LINGO2: variants seen among roughly 807,000 people sequenced by gnomAD.
LINGO2 encodes the protein leucine-rich repeat and immunoglobulin-like domain-containing nogo receptor-interacting protein 2.
A neutral mutation model predicts 30.6 loss-of-function variants in LINGO2; 14 were observed. The ratio of observed to expected loss-of-function variants is 0.46; its 90% CI spans 0.30 to 0.72. The LOEUF (loss-of-function observed/expected upper bound fraction) is 0.72, where lower values mean the gene tolerates loss of function less well. LINGO2 is among the 30% of genes least tolerant of loss of function. The probability of loss-of-function intolerance (pLI) is 0.07; values close to 1 mark genes in which losing one functional copy is unlikely to be tolerated. For synonymous variants in LINGO2, 317 were observed against 288.5 expected (o/e 1.10, Z -1.00); for missense variants, 729 against 751.7 (o/e 0.97, Z 0.35).
At chr9:28,269,737 A>G (rs1822875918) in intron 4 of LINGO2, among the ~76,000 whole-genome samples, 1 of 152,096 alleles carries the variant, frequency 6.6e-6, no homozygotes, top group Non-Finnish European at 1.5e-5. Context: ...CTTTTCCCCA[A>G]TTTCATCAGC....
intron 3 of LINGO2, among the ~76,000 whole-genome samples, chr9:28,316,315 A>G (rs1295122367): frequency 6.6e-6 from 1 of 151,758 alleles, no homozygotes; most frequent in Non-Finnish European, 1.5e-5. Context: ...ACTCTTATCA[A>G]AATAAAAAAA....
chr9:28,910,734 G>A, the LINGO2 span, among the ~76,000 whole-genome samples: 2 of 151,934 alleles, frequency 1.3e-5, no homozygotes, highest in Non-Finnish European at 2.9e-5. Context: ...TGTACAGCCT[G>A]AAGAACCATG....
intron 1 of LINGO2, among the ~76,000 whole-genome samples, chr9:28,588,835 C>G (rs1306739923): frequency 6.6e-6 from 1 of 152,002 alleles, no homozygotes; most frequent in Non-Finnish European, 1.5e-5. Flanking sequence ...TGGCAACTGC[C>G]TCCTATCCCC....
At chr9:28,022,331 T>TA (rs1485983308) in intron 4 of LINGO2, among the ~76,000 whole-genome samples, 1 of 152,056 alleles carries the variant, frequency 6.6e-6, no homozygotes, top group African/African-American at 2.4e-5. Context: ...TTGCTACTAT[T>TA]AAACAGTTCT....
intron 3 of LINGO2, among the ~76,000 whole-genome samples, chr9:28,337,714 C>A (rs1288112671): frequency 6.6e-6 from 1 of 152,142 alleles, no homozygotes; most frequent in Non-Finnish European, 1.5e-5. Context: ...TAGGTCATTG[C>A]TTCAGAGAGT....
At chr9:29,036,362 G>A in the LINGO2 span, among the ~76,000 whole-genome samples, 1 of 151,922 alleles carries the variant, frequency 6.6e-6, no homozygotes. Flanking sequence ...TATTTTGGAA[G>A]TATAAAATTT....
At chr9:28,945,072 G>T in the LINGO2 span, among the ~76,000 whole-genome samples, 4 of 152,082 alleles carry the variant, frequency 2.6e-5, no homozygotes, top group Non-Finnish European at 5.9e-5. Flanking sequence ...AACCTTTCAT[G>T]ATTAGAAAAT....
intron 1 of LINGO2, among the ~76,000 whole-genome samples, chr9:28,599,933 C>T (rs1308720155): frequency 2.0e-5 from 3 of 152,076 alleles, no homozygotes; most frequent in African/African-American, 7.2e-5. Flanking sequence ...TGAATTGAAA[C>T]ATACCAGCAT....
the LINGO2 span, among the ~76,000 whole-genome samples, chr9:28,880,707 C>G: frequency 1.3e-5 from 2 of 152,234 alleles, no homozygotes; most frequent in South Asian, 2.1e-4. Flanking sequence ...AGAGGAAGGC[C>G]ACTGTCTCCT....
chr9:29,077,683 A>G, the LINGO2 span, among the ~76,000 whole-genome samples: 2 of 152,060 alleles, frequency 1.3e-5, no homozygotes, highest in Non-Finnish European at 2.9e-5. Flanking sequence ...TTTGTTGTAA[A>G]GACCATGAAA....
At chr9:28,096,400 G>T (rs565250255) in intron 4 of LINGO2, among the ~76,000 whole-genome samples, 1 of 152,158 alleles carries the variant, frequency 6.6e-6, no homozygotes, top group South Asian at 2.1e-4. Flanking sequence ...TTTAGCTTAT[G>T]ATTTCATGAA....
chr9:28,240,819 A>T (rs1243174216), intron 4 of LINGO2, among the ~76,000 whole-genome samples: 1 of 152,194 alleles, frequency 6.6e-6, no homozygotes, highest in Non-Finnish European at 1.5e-5. Flanking sequence ...AAAAAGCTGA[A>T]GTTTATAAAA....
chr9:29,069,205 G>T, the LINGO2 span, among the ~76,000 whole-genome samples: 1 of 151,878 alleles, frequency 6.6e-6, no homozygotes, highest in African/African-American at 2.4e-5. Flanking sequence ...TATTGCTCCA[G>T]AAGACAGAAC....
the LINGO2 span, among the ~76,000 whole-genome samples, chr9:29,166,883 G>A: frequency 6.6e-6 from 1 of 151,950 alleles, no homozygotes; most frequent in Non-Finnish European, 1.5e-5. Context: ...TTATAATCAT[G>A]AAATGGATAA....
chr9:28,224,117 T>A (rs915171062), intron 4 of LINGO2, among the ~76,000 whole-genome samples: 12 of 152,108 alleles, frequency 7.9e-5, no homozygotes, highest in Admixed American at 2.0e-4. Flanking sequence ...CAGGCTGGAG[T>A]GCAGTGGTGC....
chr9:29,192,598 G>T, the LINGO2 span, among the ~76,000 whole-genome samples: 1 of 152,052 alleles, frequency 6.6e-6, no homozygotes, highest in Non-Finnish European at 1.5e-5. Flanking sequence ...CAACTTGCCA[G>T]TGATATAACA....
chr9:28,341,807 G>A (rs1383026508), intron 3 of LINGO2, among the ~76,000 whole-genome samples: 1 of 152,000 alleles, frequency 6.6e-6, no homozygotes, highest in African/African-American at 2.4e-5. Flanking sequence ...TCTACCATAA[G>A]GTTCACAGAA....
chr9:28,160,517 G>T (rs918134166), intron 4 of LINGO2, among the ~76,000 whole-genome samples: 1 of 152,030 alleles, frequency 6.6e-6, no homozygotes, highest in African/African-American at 2.4e-5. Context: ...CACATGTCCA[G>T]ACTGTCCCAT....
the LINGO2 span, among the ~76,000 whole-genome samples, chr9:29,198,034 A>T: frequency 6.6e-6 from 1 of 152,244 alleles, no homozygotes; most frequent in South Asian, 2.1e-4. Context: ...CATAAATCAT[A>T]CTGTAATTCC....
Sources: allele counts gnomAD v4.1 joint callset (sites outside exome capture counted in the v4.1 genomes callset), GRCh38; gene constraint gnomAD v4.1.1; transcripts MANE v1.5; gene names NCBI Gene and HGNC (gene_info 2026-07-23, HGNC 2026-07-21).